TCEA1: variants seen among roughly 807,000 people sequenced by gnomAD.
The protein encoded by TCEA1 is transcription elongation factor A protein 1.
A neutral mutation model predicts 43.8 loss-of-function variants in TCEA1; 21 were observed. That is an observed-to-expected ratio of 0.48 (90% confidence interval 0.34 to 0.69). The LOEUF is 0.69. TCEA1 is among the 30% of genes least tolerant of loss of function. TCEA1 has a pLI of 0.01. For missense variants in TCEA1, 250 were observed against 365.1 expected, an observed-to-expected ratio of 0.68 and a Z score of 2.57; for synonymous variants, 104 against 117.5, an observed-to-expected ratio of 0.88 and a Z score of 0.75.
intron 9 of TCEA1, among the ~76,000 whole-genome samples, chr8:53,968,884 A>AG (rs1162912140): frequency 1.1e-4 from 17 of 152,366 alleles, no homozygotes; most frequent in Middle Eastern, 3.4e-3. Context: ...TCCCTCTCCT[A>AG]GACCAATGAC....
intron 1 of TCEA1, among the ~76,000 whole-genome samples, chr8:54,014,106 A>G (rs1384004408): frequency 6.6e-6 from 1 of 152,200 alleles, no homozygotes; most frequent in Non-Finnish European, 1.5e-5. Context: ...CTACACACAA[A>G]AAAAAGAAAC....
chr8:53,969,690 A>G (rs1803100604), intron 9 of TCEA1, among the ~76,000 whole-genome samples: 1 of 152,220 alleles, frequency 6.6e-6, no homozygotes, highest in Non-Finnish European at 1.5e-5. Flanking sequence ...AAGGAGTTCA[A>G]AATCAGTTTG....
intron 1 of TCEA1, chr8:54,021,383 A>G (rs974633183): frequency 3.3e-5 from 5 of 152,176 alleles, no homozygotes; most frequent in African/African-American, 9.7e-5. Flanking sequence ...AAAATACCCA[A>G]CAATATAATT....
intron 8 of TCEA1, among the ~76,000 whole-genome samples, chr8:53,977,735 C>A (rs989792456): frequency 6.6e-6 from 1 of 151,872 alleles, no homozygotes; most frequent in Non-Finnish European, 1.5e-5. Context: ...TATGCACATG[C>A]AACCAAAATA....
At chr8:53,984,893 C>A (rs1017707813) in intron 6 of TCEA1, among the ~76,000 whole-genome samples, 6 of 150,814 alleles carry the variant, frequency 4.0e-5, no homozygotes, top group Non-Finnish European at 3.0e-5. Flanking sequence ...AAAAAAAAAA[C>A]AAACCTGAAA....
chr8:53,972,945 ATATATCATAT>A, intron 8 of TCEA1: 1 of 661,526 alleles, frequency 1.5e-6, no homozygotes, highest in South Asian at 1.4e-5. Context: ...TAAACTAAAT[ATATATCATAT>A]CTGCTGCAAT....
chr8:53,995,294 CA>C (rs925755044), intron 3 of TCEA1, among the ~76,000 whole-genome samples: 1,510 of 57,932 alleles, frequency 0.026, 10 homozygotes, highest in African/African-American at 0.063. Flanking sequence ...GACTCTGTCT[CA>C]AAAAAAAAAA....
chr8:53,983,294 T>C (rs972780792), intron 7 of TCEA1, among the ~76,000 whole-genome samples: 1 of 152,232 alleles, frequency 6.6e-6, no homozygotes, highest in African/African-American at 2.4e-5. Context: ...GTGACTCGTG[T>C]GTCACTTTAT....
intron 3 of TCEA1, among the ~76,000 whole-genome samples, chr8:53,996,202 C>G: frequency 6.6e-6 from 1 of 152,192 alleles, no homozygotes; most frequent in East Asian, 1.9e-4. Flanking sequence ...GACAGCAGAG[C>G]AGTAAGAGGC....
chr8:53,986,315 T>C (rs1218382837), intron 6 of TCEA1, among the ~76,000 whole-genome samples: 1 of 152,226 alleles, frequency 6.6e-6, no homozygotes, highest in East Asian at 1.9e-4. Flanking sequence ...TAGCCTGTGA[T>C]GAACATATAG....
At chr8:53,969,116 G>A (rs1025284621) in intron 9 of TCEA1, among the ~76,000 whole-genome samples, 3 of 152,052 alleles carry the variant, frequency 2.0e-5, no homozygotes, top group African/African-American at 7.2e-5. Context: ...ATGGTGAAAC[G>A]CCATCTCTAC....
At chr8:53,979,221 A>ATG in intron 7 of TCEA1, 50 bp from the exon 8 acceptor site, 1 of 1,507,850 alleles carries the variant, frequency 6.6e-7, no homozygotes, top group Non-Finnish European at 9.0e-7. Context: ...TTCTATATAT[A>ATG]TCCTGAATGC....
chr8:53,980,123 G>A (rs772833229), intron 7 of TCEA1, among the ~76,000 whole-genome samples: 19 of 152,138 alleles, frequency 1.2e-4, no homozygotes, highest in Admixed American at 2.6e-4. Context: ...GCTGTCAGGT[G>A]ATTACACTAT....
intron 3 of TCEA1, among the ~76,000 whole-genome samples, chr8:53,996,578 T>C (rs1586016503): frequency 6.6e-6 from 1 of 152,134 alleles, no homozygotes; most frequent in African/African-American, 2.4e-5. Flanking sequence ...CAGAAAGATA[T>C]CCATCAAGAC....
At chr8:53,977,364 T>C (rs1385709384) in intron 8 of TCEA1, among the ~76,000 whole-genome samples, 1 of 152,106 alleles carries the variant, frequency 6.6e-6, no homozygotes, top group African/African-American at 2.4e-5. Context: ...ACACATAAAA[T>C]ACCTAAGTTT....
intron 3 of TCEA1, among the ~76,000 whole-genome samples, chr8:53,998,263 T>C (rs952451410): frequency 6.6e-5 from 10 of 152,218 alleles, no homozygotes; most frequent in African/African-American, 2.4e-4. Flanking sequence ...AATTTCCTGG[T>C]TGAGATTCTG....
At chr8:53,974,131 G>A (rs1803251164) in intron 8 of TCEA1, 1 of 155,440 alleles carries the variant, frequency 6.4e-6, no homozygotes. Flanking sequence ...GAAGTCCACT[G>A]ATCCTGCCTT....
chr8:54,022,024 C>A (rs752014724), intron 1 of TCEA1, 39 bp downstream of exon 1: 41 of 1,554,898 alleles, frequency 2.6e-5, no homozygotes, highest in Non-Finnish European at 2.7e-5. Flanking sequence ...GGACCGCGGC[C>A]CGGCCTCCCT....
intron 4 of TCEA1, among the ~76,000 whole-genome samples, chr8:53,991,321 G>GT (rs1436512842): frequency 1.4e-3 from 218 of 151,296 alleles, no homozygotes; most frequent in African/African-American, 5.1e-3. Context: ...TGAACCTGGG[G>GT]GACAGAGGTT....
Sources: allele counts gnomAD v4.1 joint callset (sites outside exome capture counted in the v4.1 genomes callset), GRCh38; gene constraint gnomAD v4.1.1; transcripts MANE v1.5; gene names NCBI Gene and HGNC (gene_info 2026-07-23, HGNC 2026-07-21).